Variants in ZNG1A observed in about 807,000 individuals in gnomAD.
ZNG1A encodes zinc-regulated GTPase metalloprotein activator 1A.
At chr9:155,780 C>T in the ZNG1A span, among the ~76,000 whole-genome samples, 1 of 151,374 alleles carries the variant, frequency 6.6e-6, no homozygotes, top group Non-Finnish European at 1.5e-5. Context: ...CTATAATAAC[C>T]ATATTTTCAT....
chr9:127,317 AT>A, the ZNG1A span, among the ~76,000 whole-genome samples: 1 of 151,864 alleles, frequency 6.6e-6, no homozygotes, highest in African/African-American at 2.4e-5. Flanking sequence ...TGTCTGTCTA[AT>A]TTTTTAGGTC....
At chr9:141,576 G>A in the ZNG1A span, among the ~76,000 whole-genome samples, 18 of 151,460 alleles carry the variant, frequency 1.2e-4, no homozygotes, top group African/African-American at 3.6e-4. Flanking sequence ...GGTACCAGCC[G>A]CTGCAGAATC....
At chr9:163,526 T>C in the ZNG1A span, among the ~76,000 whole-genome samples, 1 of 152,036 alleles carries the variant, frequency 6.6e-6, no homozygotes, top group Non-Finnish European at 1.5e-5. Flanking sequence ...AAAGATTTCA[T>C]CATTAAACTA....
the ZNG1A span, among the ~76,000 whole-genome samples, chr9:173,751 G>C: frequency 6.6e-6 from 1 of 151,924 alleles, no homozygotes; most frequent in Non-Finnish European, 1.5e-5. Flanking sequence ...AACCTCTTAA[G>C]AGACTGCCTT....
At chr9:158,245 C>A in the ZNG1A span, among the ~76,000 whole-genome samples, 1 of 151,306 alleles carries the variant, frequency 6.6e-6, no homozygotes, top group Non-Finnish European at 1.5e-5. Flanking sequence ...TTGTAATTAA[C>A]ACCTCCTGTT....
chr9:154,000 T>C, the ZNG1A span: 3 of 152,216 alleles, frequency 2.0e-5, no homozygotes, highest in Non-Finnish European at 4.4e-5. Context: ...TATAACCTCA[T>C]TTGAAAAGCC....
At chr9:141,188 G>C in the ZNG1A span, among the ~76,000 whole-genome samples, 2,586 of 136,516 alleles carry the variant, frequency 0.019, 30 homozygotes, top group Middle Eastern at 0.05. Context: ...GAAATACAGA[G>C]AATGCCACAA....
At chr9:174,552 T>A in the ZNG1A span, among the ~76,000 whole-genome samples, 1 of 151,924 alleles carries the variant, frequency 6.6e-6, no homozygotes, top group African/African-American at 2.4e-5. Flanking sequence ...CAGTGTGCAA[T>A]AGGTTATTTA....
the ZNG1A span, among the ~76,000 whole-genome samples, chr9:133,326 T>C: frequency 4.1e-5 from 4 of 98,478 alleles, no homozygotes; most frequent in Non-Finnish European, 8.1e-5. Context: ...AAAATATAGA[T>C]ATGCCCTATT....
At chr9:177,972 C>T in the ZNG1A span, among the ~76,000 whole-genome samples, 3 of 149,390 alleles carry the variant, frequency 2.0e-5, 1 homozygote, top group South Asian at 6.5e-4. Flanking sequence ...CAAGTCTGTA[C>T]CTGTCTCTAG....
chr9:153,996 C>T, the ZNG1A span: 1 of 152,172 alleles, frequency 6.6e-6, no homozygotes, highest in African/African-American at 2.4e-5. Flanking sequence ...GAACTATAAC[C>T]TCATTTGAAA....
chr9:164,063 T>A, the ZNG1A span: 1 of 1,558,430 alleles, frequency 6.4e-7, no homozygotes, highest in Non-Finnish European at 8.6e-7. Context: ...ATTCATCAAA[T>A]AAAAATATTT....
At chr9:145,696 A>T in the ZNG1A span, among the ~76,000 whole-genome samples, 1 of 151,888 alleles carries the variant, frequency 6.6e-6, no homozygotes, top group Non-Finnish European at 1.5e-5. Context: ...CTTAAAGTAT[A>T]ATAATAAATA....
the ZNG1A span, among the ~76,000 whole-genome samples, chr9:130,157 C>A: frequency 3.5e-5 from 5 of 144,900 alleles, no homozygotes; most frequent in Non-Finnish European, 6.0e-5. Context: ...AATAAACATA[C>A]TCTATTTTAA....
the ZNG1A span, among the ~76,000 whole-genome samples, chr9:123,905 G>T: frequency 6.6e-6 from 1 of 151,602 alleles, no homozygotes; most frequent in Non-Finnish European, 1.5e-5. Context: ...TATAAATTGG[G>T]GAAAATAAGG....
chr9:136,095 C>T, the ZNG1A span, among the ~76,000 whole-genome samples: 3 of 78,134 alleles, frequency 3.8e-5, no homozygotes, highest in African/African-American at 7.3e-5. Flanking sequence ...GAACTTCATA[C>T]GCAGCAAAAA....
At chr9:175,292 C>T in the ZNG1A span, among the ~76,000 whole-genome samples, 1 of 151,730 alleles carries the variant, frequency 6.6e-6, no homozygotes, top group East Asian at 1.9e-4. Context: ...GCAGGAGAAT[C>T]ACTTTAACCC....
At chr9:178,357 G>C in the ZNG1A span, among the ~76,000 whole-genome samples, 16 of 152,102 alleles carry the variant, frequency 1.1e-4, no homozygotes, top group African/African-American at 3.1e-4. Context: ...ACTCTGGCTC[G>C]TGGGGAAGGG....
the ZNG1A span, among the ~76,000 whole-genome samples, chr9:176,936 T>C: frequency 6.6e-5 from 10 of 152,062 alleles, no homozygotes; most frequent in East Asian, 1.9e-4. Flanking sequence ...GTGAACAAGA[T>C]AGTCTCTGCC....
Sources: gnomAD v4.1 joint callset for allele counts (sites outside exome capture counted in the v4.1 genomes callset) on GRCh38, gnomAD v4.1.1 for gene constraint, MANE v1.5 for transcripts, NCBI Gene and HGNC (gene_info 2026-07-23, HGNC 2026-07-21) for gene names.